The following PTK2 variants were observed in gnomAD, a reference collection of about 807,000 sequenced individuals.
PTK2 encodes the protein protein tyrosine kinase 2, also known as focal adhesion kinase 1.
PTK2 carries 45 observed loss-of-function variants against 150.1 expected under a neutral mutation model. The observed-to-expected ratio is 0.30, with a 90% CI of 0.24 to 0.38. PTK2 has a LOEUF of 0.38. Among genes scored for constraint, PTK2 ranks in the 10% least tolerant of loss-of-function variants. The probability of loss-of-function intolerance (pLI) is 1.00; values close to 1 mark genes in which losing one functional copy is unlikely to be tolerated. For missense variants in PTK2, 919 were observed against 1,307.3 expected, an observed-to-expected ratio of 0.70 and a Z score of 4.58; for synonymous variants, 432 against 449.2, an observed-to-expected ratio of 0.96 and a Z score of 0.48.
chr8:140,850,186 G>T (rs1430872144), intron 5 of PTK2, among the ~76,000 whole-genome samples: 1 of 152,200 alleles, frequency 6.6e-6, no homozygotes, highest in Non-Finnish European at 1.5e-5. Flanking sequence ...AGCACTTTGG[G>T]AGGCCGAGGT....
At position 140,964,546 on chromosome 8, in the gene PTK2, AATTT is replaced by A. The variant is rs1473949102; in HGVS notation, c.-122+36575_-122+36578del. ...GTGGGCACCACCCCCAGCCCCAGGT[AATTT>A]TTTTTTTTTTTTTTTTTTTTTTTTG... On this transcript the variant is annotated intron_variant, in intron 1 of 31. Coordinates refer to ENST00000522684, the Ensembl canonical transcript of PTK2. 6.5e-3 allele frequency among the ~76,000 whole-genome samples: 796 copies of A among 122,950 alleles called. 6 individuals carry two copies. Among genetic ancestry groups the A allele is most frequent in the African/African-American group, 0.024 (743 of 31,316 alleles). 80.7% of individuals were successfully genotyped at this position (122,950 alleles called of 152,430 possible).
At chr8:140,891,865 A>G (rs2100154366) in intron 2 of PTK2, among the ~76,000 whole-genome samples, 1 of 152,232 alleles carries the variant, frequency 6.6e-6, no homozygotes, top group African/African-American at 2.4e-5. Flanking sequence ...AGCTGGGTGC[A>G]GAAGCAAAGG....
At chr8:140,912,592 C>A (rs2100163638) in intron 2 of PTK2, among the ~76,000 whole-genome samples, 1 of 151,848 alleles carries the variant, frequency 6.6e-6, no homozygotes. Context: ...AAAATCAACA[C>A]CCTCTCATAA....
At chr8:140,771,484 A>G (rs1010676826) in intron 14 of PTK2, 1 of 152,226 alleles carries the variant, frequency 6.6e-6, no homozygotes, top group East Asian at 1.9e-4. Context: ...GGTAATGGCA[A>G]TAGTGGACAA....
chr8:140,684,148 C>T (rs1304439694), intron 27 of PTK2, among the ~76,000 whole-genome samples: 1 of 152,190 alleles, frequency 6.6e-6, no homozygotes. Context: ...ATCTGATAAA[C>T]GAGCAGTCCC....
At chr8:140,681,347 C>T (rs1168756424) in intron 27 of PTK2, among the ~76,000 whole-genome samples, 14 of 146,908 alleles carry the variant, frequency 9.5e-5, no homozygotes, top group South Asian at 6.4e-4. Context: ...CGCGAGACTC[C>T]GTCTCAAAAA....
chr8:140,697,261 G>C (rs985077959), intron 26 of PTK2, among the ~76,000 whole-genome samples: 1 of 151,140 alleles, frequency 6.6e-6, no homozygotes, highest in Admixed American at 6.6e-5. Context: ...GACAGGTTTA[G>C]GACCAAATGA....
chr8:140,912,731 C>T (rs1031041170), intron 2 of PTK2, among the ~76,000 whole-genome samples: 1 of 151,978 alleles, frequency 6.6e-6, no homozygotes, highest in Non-Finnish European at 1.5e-5. Context: ...GAGGCCGAGG[C>T]GGGCGGATCA....
exon 32 of PTK2, chr8:140,659,408 G>A: frequency 6.8e-7 from 1 of 1,478,554 alleles, no homozygotes; most frequent in South Asian, 1.2e-5. Context: ...CTCGCTGCTG[G>A]TGGAAGGCTA....
At chr8:140,676,742 A>G (rs1397212963) in intron 27 of PTK2, among the ~76,000 whole-genome samples, 5 of 128,614 alleles carry the variant, frequency 3.9e-5, no homozygotes, top group African/African-American at 2.9e-5. Context: ...CCTGGCTAAC[A>G]TGGTGAAACC....
chr8:140,727,087 T>C (rs754841038), intron 22 of PTK2, among the ~76,000 whole-genome samples: 3 of 152,144 alleles, frequency 2.0e-5, no homozygotes, highest in Non-Finnish European at 2.9e-5. Context: ...ATACAAAAGG[T>C]ATTGCTAAAA....
intron 22 of PTK2, among the ~76,000 whole-genome samples, chr8:140,734,078 T>G (rs544675657): frequency 6.6e-6 from 1 of 152,298 alleles, no homozygotes; most frequent in South Asian, 2.1e-4. Context: ...TGAAATACTC[T>G]CCTTAAAAGG....
intron 1 of PTK2, among the ~76,000 whole-genome samples, chr8:140,985,347 A>C (rs950676640): frequency 2.0e-5 from 3 of 151,828 alleles, no homozygotes; most frequent in Admixed American, 6.6e-5. Context: ...CTGGTCTCAA[A>C]CTCCTAGACT....
intron 1 of PTK2, among the ~76,000 whole-genome samples, chr8:140,984,329 T>C (rs1267601176): frequency 6.6e-6 from 1 of 152,116 alleles, no homozygotes; most frequent in African/African-American, 2.4e-5. Context: ...ACAGTGGTTA[T>C]TCAACTTTCA....
At chr8:140,668,492 T>G (rs2093708313) in intron 29 of PTK2, 68 bp from the exon 34 acceptor site, 2 of 1,510,238 alleles carry the variant, frequency 1.3e-6, no homozygotes, top group Non-Finnish European at 1.8e-6. Flanking sequence ...ACAATCAAGC[T>G]AGAGAGGGTC....
At chr8:140,896,789 G>GGGGC (rs2100156420) in intron 2 of PTK2, among the ~76,000 whole-genome samples, 2 of 11,768 alleles carry the variant, frequency 1.7e-4, no homozygotes, top group African/African-American at 6.0e-4. Context: ...CCAAAAAAAC[G>GGGGC]GGGGGGGGGG....
At chr8:140,835,786 T>C (rs1384861872) in intron 7 of PTK2, among the ~76,000 whole-genome samples, 2 of 152,130 alleles carry the variant, frequency 1.3e-5, no homozygotes, top group South Asian at 2.1e-4. Flanking sequence ...AGAAAAAAAA[T>C]TGATTCCCAG....
chr8:140,931,081 AAAAAAAG>A (rs2100171551), intron 1 of PTK2, among the ~76,000 whole-genome samples: 1 of 151,702 alleles, frequency 6.6e-6, no homozygotes, highest in Admixed American at 6.6e-5. Flanking sequence ...AAAAAAAAAA[AAAAAAAG>A]AAAAAGAAAA....
chr8:140,660,470 T>C, intron 31 of PTK2: 1 of 399,128 alleles, frequency 2.5e-6, no homozygotes, highest in South Asian at 1.8e-5. Flanking sequence ...TCCTGTACAA[T>C]TTCAGCACTT....
Sources: gnomAD v4.1 joint callset for allele counts (sites outside exome capture counted in the v4.1 genomes callset) on GRCh38, gnomAD v4.1.1 for gene constraint, MANE v1.5 for transcripts, NCBI Gene and HGNC (gene_info 2026-07-23, HGNC 2026-07-21) for gene names.